The following RASGRF2 variants were observed in gnomAD, a reference collection of about 807,000 sequenced individuals.
RASGRF2 encodes ras-specific guanine nucleotide-releasing factor 2.
A neutral mutation model predicts 151.0 loss-of-function variants in RASGRF2; 76 were observed. That is an observed-to-expected ratio of 0.50 (90% CI 0.42 to 0.61). The LOEUF is 0.61. Ranked by LOEUF, RASGRF2 falls within the 20% of genes least tolerant of loss-of-function variation. The pLI is 0.00. For synonymous variants in RASGRF2, 504 were observed against 566.5 expected (o/e 0.89, Z 1.57); for missense variants, 1,148 against 1,564.6 (o/e 0.73, Z 4.49).
intron 2 of RASGRF2, among the ~76,000 whole-genome samples, chr5:81,051,930 T>G (rs1243844446): frequency 6.6e-6 from 1 of 152,220 alleles, no homozygotes; most frequent in East Asian, 1.9e-4. Context: ...CATTTTACAT[T>G]CCCACCAGCT....
At chr5:81,061,143 T>G (rs1217908381) in intron 2 of RASGRF2, among the ~76,000 whole-genome samples, 4 of 152,216 alleles carry the variant, frequency 2.6e-5, no homozygotes, top group African/African-American at 9.6e-5. Flanking sequence ...TTGTTATCAT[T>G]CCATTATGAA....
At chr5:81,186,015 G>A (rs751801278) in intron 18 of RASGRF2, among the ~76,000 whole-genome samples, 2 of 152,210 alleles carry the variant, frequency 1.3e-5, no homozygotes, top group Non-Finnish European at 2.9e-5. Flanking sequence ...ATGATACAGG[G>A]AGTCTAGGGT....
At chr5:81,220,939 T>C (rs1755844173) in intron 26 of RASGRF2, among the ~76,000 whole-genome samples, 1 of 152,164 alleles carries the variant, frequency 6.6e-6, no homozygotes, top group African/African-American at 2.4e-5. Context: ...TTAATTTGGG[T>C]GGCCTTGACT....
At position 81,102,953 on chromosome 5, in the gene RASGRF2, A is replaced by G. The variant is rs963774935; in HGVS notation, c.1756-6043A>G. 3.7e-4 allele frequency among the ~76,000 whole-genome samples: 56 copies of G among 152,186 alleles called. 1 individual carries two copies. The highest frequency in any genetic ancestry group is 6.2e-4 in the South Asian group (3 of 4,828). ...GTATCATGAGTGAGACTCAGCAGGC[A>G]TGGAGAGCAGTAGAATTAGCGCTAC... On this transcript the variant is annotated intron_variant, in intron 12 of 26. Coordinates refer to ENST00000265080, the MANE Select transcript of RASGRF2 (RefSeq NM_006909.3).
At chr5:81,052,678 C>CCACTTCATTGGCTAA (rs1561579079) in intron 2 of RASGRF2, among the ~76,000 whole-genome samples, 1 of 152,132 alleles carries the variant, frequency 6.6e-6, no homozygotes, top group Non-Finnish European at 1.5e-5. Flanking sequence ...CAGGAGAGAA[C>CCACTTCATTGGCTAA]TTGAGAACCA....
intron 26 of RASGRF2, 26 bp from the exon 27 acceptor site, chr5:81,225,652 A>G: frequency 6.2e-7 from 1 of 1,610,910 alleles, no homozygotes; most frequent in Non-Finnish European, 8.5e-7. Flanking sequence ...AAGAGGTAAA[A>G]GCTGGGACTT....
intron 1 of RASGRF2, among the ~76,000 whole-genome samples, chr5:80,983,163 G>T (rs1459265448): frequency 6.6e-6 from 1 of 152,202 alleles, no homozygotes; most frequent in African/African-American, 2.4e-5. Context: ...AATGTCGACG[G>T]ACTGGCGTCA....
intron 17 of RASGRF2, among the ~76,000 whole-genome samples, chr5:81,143,339 G>T (rs901787200): frequency 1.3e-5 from 2 of 151,548 alleles, no homozygotes; most frequent in African/African-American, 4.8e-5. Flanking sequence ...GTAGAGATGG[G>T]GTTACACCAT....
At chr5:80,973,565 T>C (rs1748009658) in intron 1 of RASGRF2, among the ~76,000 whole-genome samples, 2 of 152,248 alleles carry the variant, frequency 1.3e-5, no homozygotes, top group Non-Finnish European at 2.9e-5. Flanking sequence ...CTTTAAGCTT[T>C]GCTGCTACTT....
intron 2 of RASGRF2, among the ~76,000 whole-genome samples, chr5:81,053,758 T>C (rs1357566051): frequency 1.3e-5 from 2 of 152,242 alleles, no homozygotes; most frequent in East Asian, 3.9e-4. Context: ...TAAAAGTGTT[T>C]CTATTTCTCC....
At position 81,080,682 on chromosome 5, in the gene RASGRF2, A is replaced by G; in HGVS notation, c.1054A>G (p.Asn352Asp). 3 of 1,614,162 alleles carry G rather than the reference A, an allele frequency of 1.9e-6. No individual in the cohort carries two copies. Among genetic ancestry groups the G allele is most frequent in the Non-Finnish European group, 2.5e-6 (3 of 1,179,982 alleles). ...CCAGTACAGCCTGCAAGTTCTCGCC[A>G]ATTGTAAGCAAAACAGAGATTTTGA... Reference protein sequence around the residue: ...NHQYSLQVLANCKQNRDFDKL... With the variant: ...NHQYSLQVLADCKQNRDFDKL... Residue 352 changes from asparagine to aspartate, a missense_variant, in exon 7 of 27, where the codon AAT becomes GAT. Coordinates refer to ENST00000265080, the MANE Select transcript of RASGRF2 (RefSeq NM_006909.3).
chr5:80,973,006 T>C (rs1747989271), intron 1 of RASGRF2, among the ~76,000 whole-genome samples: 1 of 152,238 alleles, frequency 6.6e-6, no homozygotes, highest in South Asian at 2.1e-4. Flanking sequence ...TTTGCCTTTC[T>C]ACTCTCTTAA....
At chr5:81,087,113 G>A in intron 9 of RASGRF2, 160 bp downstream of exon 9, 1 of 736,372 alleles carries the variant, frequency 1.4e-6, no homozygotes, top group Non-Finnish European at 2.5e-6. Flanking sequence ...CCACCTTTGT[G>A]CTGTTTCTTT....
At chr5:81,152,445 A>G (rs1754160108) in intron 17 of RASGRF2, among the ~76,000 whole-genome samples, 1 of 152,252 alleles carries the variant, frequency 6.6e-6, no homozygotes, top group Non-Finnish European at 1.5e-5. Context: ...AAGAAGAAAG[A>G]AGGATATACA....
At chr5:81,056,081 C>T (rs1751199753) in intron 2 of RASGRF2, among the ~76,000 whole-genome samples, 1 of 152,090 alleles carries the variant, frequency 6.6e-6, no homozygotes, top group South Asian at 2.1e-4. Flanking sequence ...AAAACCAGCT[C>T]CTGGATTCAT....
chr5:81,101,144 G>T (rs1482359306), intron 12 of RASGRF2, among the ~76,000 whole-genome samples: 1 of 152,096 alleles, frequency 6.6e-6, no homozygotes, highest in Non-Finnish European at 1.5e-5. Context: ...AAGGTTTATT[G>T]TAATTCATAT....
chr5:81,112,576 G>C (rs200415437), intron 13 of RASGRF2, 34 bp from the exon 14 acceptor site: 1 of 1,611,336 alleles, frequency 6.2e-7, no homozygotes, highest in Non-Finnish European at 8.5e-7. Context: ...GCCTCCTCCT[G>C]GTTTTACCAT....
intron 14 of RASGRF2, among the ~76,000 whole-genome samples, chr5:81,113,189 A>G (rs910263690): frequency 1.3e-5 from 2 of 151,890 alleles, no homozygotes; most frequent in African/African-American, 4.8e-5. Flanking sequence ...AATATGCATA[A>G]GAATCAGTTG....
chr5:81,021,937 G>A (rs986028336), intron 1 of RASGRF2, among the ~76,000 whole-genome samples: 1 of 152,150 alleles, frequency 6.6e-6, no homozygotes, highest in Admixed American at 6.5e-5. Flanking sequence ...GGGACAGGGA[G>A]GTGAAAAAAT....
Sources: gnomAD v4.1 joint callset for allele counts (sites outside exome capture counted in the v4.1 genomes callset) on GRCh38, gnomAD v4.1.1 for gene constraint, MANE v1.5 for transcripts, NCBI Gene and HGNC (gene_info 2026-07-23, HGNC 2026-07-21) for gene names.